Variants in JAG2 observed in about 807,000 individuals in gnomAD.
JAG2 encodes the protein jagged canonical Notch ligand 2.
Under a neutral mutation model 141.7 loss-of-function variants are expected in JAG2, and 46 were observed. The observed-to-expected ratio is 0.32, with a 90% CI of 0.26 to 0.42. JAG2 has a LOEUF of 0.42. Among genes scored for constraint, JAG2 ranks in the 10% least tolerant of loss-of-function variants. JAG2 has a pLI of 1.00. For synonymous variants in JAG2, 862 were observed against 763.5 expected, an observed-to-expected ratio of 1.13 and a Z score of -2.13; for missense variants, 1,500 against 1,817.5, an observed-to-expected ratio of 0.83 and a Z score of 3.18.
chr14:105,146,455 G>A lies in JAG2; in HGVS notation c.2639C>T (p.Pro880Leu). Residue 880 changes from proline to leucine, a missense_variant, in exon 22 of 26, where the codon CCA becomes CTA. Pro to Leu is a moderately conservative substitution (Grantham distance 98, BLOSUM62 -3). Around this residue, in one of 3 missense-constraint regions of JAG2, gnomAD observed 875 missense variants for 1,202.2 expected, o/e 0.73. Coordinates refer to ENST00000331782, the MANE Select transcript of JAG2 (RefSeq NM_002226.5). ...GTCTTCCACCCAGGAGCTTCCGTGT[G>A]GGAACGGAGTGCCCCGGGACCAGCA... ...RSCWSRGTPF[P>L]HGSSWVEDCN... 1.2e-6 allele frequency: 2 copies of A among 1,612,778 alleles called. No individual in the cohort carries two copies. The highest frequency in any genetic ancestry group is 8.5e-7 in the Non-Finnish European group (1 of 1,179,894).
intron 3 of JAG2, among the ~76,000 whole-genome samples, chr14:105,156,299 G>A (rs1365671895): frequency 1.3e-5 from 2 of 152,098 alleles, no homozygotes; most frequent in African/African-American, 2.4e-5. Flanking sequence ...GAGAAGGCAC[G>A]GCTGCTGCCA....
At position 105,148,143 on chromosome 14, in the gene JAG2, C is replaced by G; in HGVS notation, c.2221G>C (p.Gly741Arg). Reference sequence around the variant, plus strand: ...ACGGCGCAGGTGCTGCCCTTCCAGCCGGGGGGGCAGGCGCAGCGGAAGGTG... The same window carrying G: ...ACGGCGCAGGTGCTGCCCTTCCAGCGGGGGGGGCAGGCGCAGCGGAAGGTG... ...GDTFRCACPP[G>R]WKGSTCAVAK... The change falls in exon 17 of 26, where the codon GGC (glycine) becomes CGC (arginine). Residue 741 changes from glycine (G) to arginine (R), a missense_variant. Transcript: ENST00000331782. 1.3e-6 allele frequency: 2 copies of G among 1,549,130 alleles called. No homozygotes were observed. The highest frequency in any genetic ancestry group is 1.7e-6 in the Non-Finnish European group (2 of 1,146,310).
In JAG2 at chr14:105,155,719, A is replaced by G. The variant is rs2816679; in HGVS notation, c.727+19T>C. 1,523,923 of 1,612,566 alleles carry G rather than the reference A, an allele frequency of 0.95. 720,406 individuals are homozygous for G. Among genetic ancestry groups the G allele is most frequent in the East Asian group, 1 (44,842 of 44,878 alleles). On this transcript the variant is annotated intron_variant, in intron 4 of 25. Transcript: ENST00000331782. ...CCGAGGCCCTCCCTGCCCTCCACGC[A>G]GCCCAGCGGCCCCCTCACCTTCCTT...
intron 3 of JAG2, among the ~76,000 whole-genome samples, chr14:105,156,314 G>A (rs900754069): frequency 1.3e-5 from 2 of 152,244 alleles, no homozygotes; most frequent in Non-Finnish European, 1.5e-5. Context: ...CTGCCAGGGC[G>A]TGAGTCTCAC....
At position 105,168,361 on chromosome 14, in the gene JAG2, C is replaced by G; in HGVS notation, c.60G>C (p.Trp20Cys). The change falls in exon 1 of 26, where the codon TGG becomes TGC. Residue 20 changes from tryptophan to cysteine, a missense_variant. Transcript: ENST00000331782. ...CCCCCGCCGCCCCGCTCACCTGCAC[C>G]CAGAGCGCCAGCAGCAGCAGCAGCC... is the stretch of plus-strand genomic sequence containing the variant. ...PRRLLLLLAL[W>C]VQAARPMGYF... 9.9e-7 allele frequency: 1 copy of G among 1,014,418 alleles called. No homozygotes were observed. The highest frequency in any genetic ancestry group is 1.2e-6 in the Non-Finnish European group (1 of 820,134). The allele number at this position is 1,014,418 out of a possible 1,614,324, so 62.8% of individuals were successfully genotyped here.
chr14:105,156,962 G>A (rs1436881301), intron 3 of JAG2, among the ~76,000 whole-genome samples: 1 of 152,048 alleles, frequency 6.6e-6, no homozygotes, highest in African/African-American at 2.4e-5. Context: ...TCTGCTGGCA[G>A]CCAGGATGCC....
In JAG2 at chr14:105,142,815, G is replaced by A; in HGVS notation, c.3597C>T (p.His1199=). The A allele has an allele frequency of 6.2e-7, 1 of 1,610,908 alleles. No individual in the cohort carries two copies. The highest frequency in any genetic ancestry group is 8.5e-7 in the Non-Finnish European group (1 of 1,178,996). The change falls in exon 26 of 26, where the codon CAC becomes CAT. Residue 1199 remains histidine, a synonymous_variant. Coordinates refer to ENST00000331782, the MANE Select transcript of JAG2 (RefSeq NM_002226.5). The stretch of plus-strand genomic sequence containing the variant: ...AGCGGCCAGGATCTTTGGTGAATTT[G>A]TGTGAGAGGAACTTCTCCGCCTCCA... The part of the protein sequence containing the change: ...DSLEAEKFLS[H]KFTKDPGRSP...
intron 2 of JAG2, among the ~76,000 whole-genome samples, chr14:105,159,564 C>T (rs907002872): frequency 6.8e-6 from 1 of 147,262 alleles, no homozygotes; most frequent in Non-Finnish European, 1.5e-5. Context: ...TCCGTCCACA[C>T]CCCCCGCCGA....
intron 24 of JAG2, among the ~76,000 whole-genome samples, chr14:105,143,959 C>G (rs1377394689): frequency 8.2e-6 from 1 of 121,254 alleles, no homozygotes; most frequent in Non-Finnish European, 1.6e-5. Flanking sequence ...CGGGACAGCC[C>G]AGGGTCCTGC....
chr14:105,142,604 GA>G lies in JAG2; in HGVS notation c.*90del. ...TGGTGGTTTTTTTACACAAAATAAA[GA>G]AACTATGCACATGGCCTCGGCCTCC... On this transcript the variant is annotated 3_prime_UTR_variant, in exon 26 of 26. Transcript: ENST00000331782. 1 of 908,934 alleles carries G rather than the reference GA, an allele frequency of 1.1e-6. No individual in the cohort carries two copies. The highest frequency in any genetic ancestry group is 1.7e-6 in the Non-Finnish European group (1 of 603,280). 56.3% of individuals were successfully genotyped at this position (908,934 alleles called of 1,614,324 possible).
chr14:105,162,357 C>A (rs1427919532), intron 2 of JAG2, among the ~76,000 whole-genome samples: 1 of 151,780 alleles, frequency 6.6e-6, no homozygotes, highest in African/African-American at 2.4e-5. Context: ...CCAGCCCGAA[C>A]CCTCAAGGCT....
At chr14:105,163,734 G>A (rs587752263) in intron 2 of JAG2, among the ~76,000 whole-genome samples, 60 of 151,124 alleles carry the variant, frequency 4.0e-4, no homozygotes, top group African/African-American at 1.4e-3. Flanking sequence ...TGCAGACAGG[G>A]ACCCTGCTCA....
intron 2 of JAG2, among the ~76,000 whole-genome samples, chr14:105,163,092 G>A (rs587603577): frequency 5.3e-5 from 8 of 152,254 alleles, no homozygotes; most frequent in African/African-American, 9.6e-5. Flanking sequence ...CCAACGCCCC[G>A]ACTTGGTTTC....
chr14:105,144,895 G>A (rs756757543), intron 24 of JAG2, 35 bp downstream of exon 24: 1 of 1,591,708 alleles, frequency 6.3e-7, no homozygotes, highest in Non-Finnish European at 8.5e-7. Context: ...GGGACCCAGG[G>A]CCCACCCAGG....
chr14:105,158,283 G>A (rs1293637933), intron 2 of JAG2, among the ~76,000 whole-genome samples: 1 of 152,178 alleles, frequency 6.6e-6, no homozygotes, highest in Non-Finnish European at 1.5e-5. Context: ...CGCCCAGCCA[G>A]AGGCCCCAAC....
intron 9 of JAG2, 22 bp downstream of exon 9, chr14:105,151,261 T>C (rs370937583): frequency 6.2e-7 from 1 of 1,601,676 alleles, no homozygotes; most frequent in Non-Finnish European, 8.5e-7. Context: ...CACGTTCCCA[T>C]GCACTCGCTC....
chr14:105,148,514 T>A, intron 15 of JAG2, 75 bp from the exon 16 acceptor site: 1 of 765,476 alleles, frequency 1.3e-6, no homozygotes, highest in Non-Finnish European at 1.9e-6. Flanking sequence ...GAGGAAGCAC[T>A]GGAGCTGGGC....
Position 105,168,363 on chromosome 14 carries a change from A to G in JAG2, c.58T>C (p.Trp20Arg). The change falls in exon 1 of 26, where the codon TGG becomes CGG. Residue 20 changes from tryptophan to arginine, a missense_variant. Physicochemically the swap from Trp to Arg is moderately radical, Grantham distance 101. Coordinates refer to ENST00000331782, the MANE Select transcript of JAG2 (RefSeq NM_002226.5). ...PRRLLLLLAL[W>R]VQAARPMGYF... ...CCCGCCGCCCCGCTCACCTGCACCCAGAGCGCCAGCAGCAGCAGCAGCCGC... is the reference window on the plus strand; with the variant it reads ...CCCGCCGCCCCGCTCACCTGCACCCGGAGCGCCAGCAGCAGCAGCAGCCGC... 1 of 892,154 alleles carries G rather than the reference A, an allele frequency of 1.1e-6. No individual in the cohort carries two copies. Among genetic ancestry groups the G allele is most frequent in the Non-Finnish European group, 1.4e-6 (1 of 713,408 alleles). The allele number at this position is 892,154 out of a possible 1,614,324, so 55.3% of individuals were successfully genotyped here. A position where few individuals can be genotyped will look rare whatever the true frequency, so the allele number is the denominator to read the frequency against.
In JAG2 at chr14:105,146,634, C is replaced by T. The variant is rs751178572; in HGVS notation, c.2570G>A (p.Arg857Gln). 38 of 1,612,498 alleles carry T rather than the reference C, an allele frequency of 2.4e-5. 1 individual carries two copies. The highest frequency in any genetic ancestry group is 2.2e-4 in the East Asian group (10 of 44,892). The change falls in exon 21 of 26, where the codon CGA (arginine) becomes CAA (glutamine). Residue 857 changes from arginine (R) to glutamine (Q), a missense_variant. Coordinates refer to ENST00000331782, the MANE Select transcript of JAG2 (RefSeq NM_002226.5). ...ACCTTCCTGGCACCGGGGGCCGGCT[C>T]GGCCGGGTGGGCAGCTACAGCGATA... ...NGYRCSCPPG[R>Q]AGPRCQEVIG... is the part of the protein sequence containing the mutation.
Sources: gnomAD v4.1 joint callset for allele counts (sites outside exome capture counted in the v4.1 genomes callset) on GRCh38, gnomAD v4.1.1 for gene constraint, gnomAD v4.1.1 regional missense constraint, MANE v1.5 for transcripts, NCBI Gene and HGNC (gene_info 2026-07-23, HGNC 2026-07-21) for gene names.